Variants in SLC25A28 observed in about 807,000 individuals in gnomAD.
SLC25A28 encodes the protein mitoferrin-2.
Under a neutral mutation model 31.9 loss-of-function variants are expected in SLC25A28, and 10 were observed. The observed-to-expected ratio is 0.31, with a 90% CI of 0.19 to 0.53. The LOEUF (loss-of-function observed/expected upper bound fraction) is 0.53. Ranked by LOEUF, SLC25A28 falls within the 20% of genes least tolerant of loss-of-function variation. The pLI is 0.95. For synonymous variants in SLC25A28, 208 were observed against 203.6 expected (o/e 1.02, Z -0.19); for missense variants, 256 against 490.3 (o/e 0.52, Z 4.51).
the SLC25A28 span, among the ~76,000 whole-genome samples, chr10:99,650,391 G>A: frequency 6.6e-6 from 1 of 152,066 alleles, no homozygotes. Flanking sequence ...TGTTGTCCAG[G>A]CTGGTTTTGA....
the SLC25A28 span, among the ~76,000 whole-genome samples, chr10:99,627,994 T>G: frequency 0.85 from 130,036 of 152,148 alleles, 55,673 homozygotes; most frequent in Middle Eastern, 0.92. Flanking sequence ...GTGAGTTTTT[T>G]ATTTACATCA....
chr10:99,624,703 C>T (rs1447039906), upstream of SLC25A28, among the ~76,000 whole-genome samples: 3 of 152,036 alleles, frequency 2.0e-5, no homozygotes, highest in East Asian at 1.9e-4. Flanking sequence ...GGCGTGGTGG[C>T]GTGTGCCTGT....
At position 99,616,307 on chromosome 10, in the gene SLC25A28, AGCTTC is replaced by A; in HGVS notation, c.292-2388_292-2384del. The A allele has an allele frequency of 3.7e-6, 3 of 813,208 alleles. No individual in the cohort carries two copies. In the African/African-American group the frequency reaches 5.6e-5, roughly 15 times the overall value. 50.4% of individuals were successfully genotyped at this position (813,208 alleles called of 1,614,324 possible). ...TTGGGTATGTCACTTAACCTCTTTAAGCTTCAAAATTGTCATCTATAACATGAGGC... is the reference window on the plus strand; with the variant it reads ...TTGGGTATGTCACTTAACCTCTTTAAAAAATTGTCATCTATAACATGAGGC... On this transcript the variant is annotated intron_variant, in intron 1 of 3. Transcript: ENST00000370495.
chr10:99,638,996 A>G, the SLC25A28 span, among the ~76,000 whole-genome samples: 2 of 152,232 alleles, frequency 1.3e-5, no homozygotes, highest in South Asian at 2.1e-4. Context: ...ACACATGTTT[A>G]TAACAGCACA....
chr10:99,613,961 T>A lies in SLC25A28; in HGVS notation c.292-37A>T, dbSNP rs1160714156. 1.3e-6 allele frequency: 2 copies of A among 1,540,162 alleles called. No homozygotes were observed. The highest frequency in any genetic ancestry group is 1.8e-4 in the Middle Eastern group (1 of 5,514). On this transcript the variant is annotated intron_variant, in intron 1 of 3. Transcript: ENST00000370495. The surrounding 1 kb of genome is among the most constrained non-coding windows in gnomAD (Gnocchi z 4.9). ...GCAAGGAGAAGCGCAATGTCAGCAATGCCAACTTCTCGCCCCACCTCAACA... is the reference window on the plus strand; with the variant it reads ...GCAAGGAGAAGCGCAATGTCAGCAAAGCCAACTTCTCGCCCCACCTCAACA...
chr10:99,624,915 C>T (rs529916088), upstream of SLC25A28, among the ~76,000 whole-genome samples: 2 of 152,266 alleles, frequency 1.3e-5, no homozygotes, highest in East Asian at 3.9e-4. Context: ...TGCAACTCCT[C>T]AGGTACTATA....
the SLC25A28 span, among the ~76,000 whole-genome samples, chr10:99,638,393 G>A: frequency 1.3e-5 from 2 of 152,156 alleles, no homozygotes; most frequent in African/African-American, 4.8e-5. Flanking sequence ...AGGATTTCAT[G>A]ACAAAGAACA....
chr10:99,613,545 G>C lies in SLC25A28; in HGVS notation c.520+151C>G, dbSNP rs957974636. On this transcript the variant is annotated intron_variant, in intron 2 of 3. Coordinates refer to ENST00000370495, the MANE Select transcript of SLC25A28 (RefSeq NM_031212.4). This position sits in a 1 kb window ranked among gnomAD's most constrained non-coding sequence, Gnocchi z 4.9. Reference sequence around the variant, plus strand: ...AGGGTTGAAGCGGCCCGTTGTCTGAGAACATCAGGTTTGGAAGTCCCTCCC... The same window carrying C: ...AGGGTTGAAGCGGCCCGTTGTCTGACAACATCAGGTTTGGAAGTCCCTCCC... 7.8e-5 allele frequency: 116 copies of C among 1,488,510 alleles called. No homozygotes were observed. Among genetic ancestry groups the C allele is most frequent in the Middle Eastern group, 1.8e-4 (1 of 5,628 alleles). The allele number at this position is 1,488,510 out of a possible 1,614,324, so 92.2% of individuals were successfully genotyped here.
chr10:99,617,532 G>A (rs1431395236), intron 1 of SLC25A28: 3 of 985,398 alleles, frequency 3.0e-6, no homozygotes, highest in Non-Finnish European at 3.6e-6. Flanking sequence ...ATTAAAAGAA[G>A]AAGGATAGCT....
At chr10:99,616,332 T>C (rs893240683) in intron 1 of SLC25A28, 3 of 776,476 alleles carry the variant, frequency 3.9e-6, no homozygotes, top group Non-Finnish European at 4.7e-6. Context: ...ATCTATAACA[T>C]GAGGCCAAGA....
the SLC25A28 span, among the ~76,000 whole-genome samples, chr10:99,638,848 A>G: frequency 1.3e-5 from 2 of 152,342 alleles, no homozygotes; most frequent in East Asian, 3.9e-4. Context: ...GGGAACGTAA[A>G]CTAGTACAGC....
At chr10:99,623,231 G>A (rs974502302), upstream of SLC25A28, among the ~76,000 whole-genome samples, 2 of 152,168 alleles carry the variant, frequency 1.3e-5, no homozygotes, top group Non-Finnish European at 2.9e-5. Flanking sequence ...AAGAAGGCCA[G>A]TGTGGCTGGA....
chr10:99,644,859 C>A, the SLC25A28 span, among the ~76,000 whole-genome samples: 1 of 152,146 alleles, frequency 6.6e-6, no homozygotes, highest in Non-Finnish European at 1.5e-5. Flanking sequence ...AAATTCTTTT[C>A]TTTAAGAATG....
the SLC25A28 span, among the ~76,000 whole-genome samples, chr10:99,625,646 G>C: frequency 6.6e-6 from 1 of 152,144 alleles, no homozygotes; most frequent in South Asian, 2.1e-4. Flanking sequence ...CCCAGCTAAA[G>C]CCCATATATT....
chr10:99,653,056 C>T, the SLC25A28 span, among the ~76,000 whole-genome samples: 5 of 152,062 alleles, frequency 3.3e-5, no homozygotes, highest in African/African-American at 4.8e-5. Context: ...TTAAGGACTG[C>T]GGTAATTTAA....
chr10:99,634,994 C>A, the SLC25A28 span, among the ~76,000 whole-genome samples: 493 of 152,298 alleles, frequency 3.2e-3, 3 homozygotes, highest in African/African-American at 0.011. Context: ...CTATCATCAG[C>A]CTCCTCAAAC....
chr10:99,650,523 T>A, the SLC25A28 span, among the ~76,000 whole-genome samples: 13 of 152,052 alleles, frequency 8.5e-5, no homozygotes, highest in African/African-American at 2.9e-4. Context: ...GGGCAGGATG[T>A]AGCCCAACAT....
At chr10:99,639,599 C>T in the SLC25A28 span, among the ~76,000 whole-genome samples, 1 of 151,842 alleles carries the variant, frequency 6.6e-6, no homozygotes, top group Non-Finnish European at 1.5e-5. Flanking sequence ...TAGGTAATAA[C>T]TCTTACTCAA....
chr10:99,635,345 C>T, the SLC25A28 span, among the ~76,000 whole-genome samples: 2 of 152,094 alleles, frequency 1.3e-5, no homozygotes, highest in Non-Finnish European at 2.9e-5. Context: ...TGTAAATGGC[C>T]TAAATGCTCC....
Sources: allele counts gnomAD v4.1 joint callset (sites outside exome capture counted in the v4.1 genomes callset), GRCh38; gene constraint gnomAD v4.1.1; non-coding constraint Gnocchi (gnomAD v3.1); transcripts MANE v1.5; gene names NCBI Gene and HGNC (gene_info 2026-07-23, HGNC 2026-07-21).